Variants in ATM observed in about 807,000 individuals in gnomAD.
The protein encoded by ATM is serine-protein kinase ATM.
A neutral mutation model predicts 387.0 loss-of-function variants in ATM; 308 were observed. The observed-to-expected ratio is 0.80, with a 90% confidence interval of 0.73 to 0.87. ATM has a LOEUF of 0.87. ATM is among the 40% of genes least tolerant of loss of function. The pLI, the probability that ATM is intolerant of heterozygous loss-of-function variation, is 0.00. For synonymous variants in ATM, 1,156 were observed against 1,187.3 expected (o/e 0.97, Z 0.54); for missense variants, 3,312 against 3,560.9 (o/e 0.93, Z 1.78).
rs2135554706 is a variant in ATM at position 108,271,390 on chromosome 11, G to C, written c.3061G>C (p.Val1021Leu). 6.2e-7 allele frequency: 1 copy of C among 1,614,096 alleles called. No individual in the cohort carries two copies. Among genetic ancestry groups the C allele is most frequent in the Non-Finnish European group, 8.5e-7 (1 of 1,179,996 alleles). Reference sequence around the variant, plus strand: ...GGATGCTCAAGGACAGTTTCTTACAGTAATTGGAGCATTTTGGTAGGTACA... The same window carrying C: ...GGATGCTCAAGGACAGTTTCTTACACTAATTGGAGCATTTTGGTAGGTACA... The part of the protein sequence containing the change: ...TRDAQGQFLT[V>L]IGAFWHLTKE... Residue 1021 changes from valine to leucine, a missense_variant, in exon 20 of 63, where the codon GTA becomes CTA. Val to Leu is a conservative substitution (Grantham distance 32). Transcript: ENST00000675843.
At chr11:108,264,508 G>T (rs1184469315) in intron 16 of ATM, among the ~76,000 whole-genome samples, 1 of 152,042 alleles carries the variant, frequency 6.6e-6, no homozygotes, top group Non-Finnish European at 1.5e-5. Flanking sequence ...ATCTATGACA[G>T]TCCCACAGCC....
At chr11:108,294,813 G>C in intron 31 of ATM, 114 bp from the exon 32 acceptor site, 1 of 1,087,080 alleles carries the variant, frequency 9.2e-7, no homozygotes, top group Admixed American at 1.8e-5. Flanking sequence ...AGTAGTAATA[G>C]AGACATGAGT....
chr11:108,274,647 A>T (rs937590860), intron 22 of ATM, among the ~76,000 whole-genome samples: 1 of 152,222 alleles, frequency 6.6e-6, no homozygotes. Context: ...ATTCAGGAGC[A>T]GGTTGTTCAG....
chr11:108,349,856 C>T (rs895048900), intron 59 of ATM, among the ~76,000 whole-genome samples: 4 of 152,054 alleles, frequency 2.6e-5, no homozygotes, highest in Admixed American at 1.3e-4. Context: ...TCATAAAGTA[C>T]GTGAGTCTGA....
chr11:108,269,855 C>T (rs766986463), intron 18 of ATM, among the ~76,000 whole-genome samples: 4 of 152,106 alleles, frequency 2.6e-5, no homozygotes, highest in Non-Finnish European at 5.9e-5. Flanking sequence ...TTGGTTGTGC[C>T]CTGTTTGGGC....
rs2135264272 is a variant in ATM, at chr11:108,246,949, T to C, written c.902-15T>C. 6.3e-7 allele frequency: 1 copy of C among 1,594,122 alleles called. No homozygotes were observed. Among genetic ancestry groups the C allele is most frequent in the East Asian group, 2.2e-5 (1 of 44,680 alleles). The stretch of plus-strand genomic sequence containing the variant: ...TACATACATAAAAATTACATTTTAA[T>C]TTTTTGGATTACAGGTGCTTATGAA... On this transcript the variant is annotated splice_polypyrimidine_tract_variant and intron_variant, in intron 7 of 62. Transcript: ENST00000675843.
intron 16 of ATM, among the ~76,000 whole-genome samples, chr11:108,265,325 G>T (rs1264896707): frequency 6.6e-6 from 1 of 151,976 alleles, no homozygotes. Flanking sequence ...CAGAAATAAC[G>T]CTGCATATCT....
intron 20 of ATM, 105 bp downstream of exon 20, chr11:108,271,511 C>G (rs915245600): frequency 4.4e-5 from 57 of 1,287,374 alleles, no homozygotes; most frequent in Non-Finnish European, 6.3e-5. Context: ...TCCTACATAG[C>G]TAATACATCT....
intron 5 of ATM, among the ~76,000 whole-genome samples, chr11:108,236,767 G>A (rs2079298959): frequency 6.6e-6 from 1 of 152,114 alleles, no homozygotes; most frequent in South Asian, 2.1e-4. Context: ...GAGGAATCTG[G>A]TGTTGTTTCC....
intron 4 of ATM, among the ~76,000 whole-genome samples, chr11:108,233,340 C>T (rs1005018274): frequency 6.6e-6 from 1 of 152,060 alleles, no homozygotes; most frequent in East Asian, 1.9e-4. Flanking sequence ...GAGGCCAAGG[C>T]AGGCAGATTG....
intron 61 of ATM, among the ~76,000 whole-genome samples, chr11:108,356,451 G>A (rs1037347976): frequency 2.0e-5 from 3 of 150,800 alleles, no homozygotes; most frequent in Non-Finnish European, 2.9e-5. Flanking sequence ...CAGGAGAATC[G>A]CTTGAACCCA....
intron 30 of ATM, 82 bp downstream of exon 30, chr11:108,292,875 T>G: frequency 6.8e-7 from 1 of 1,470,084 alleles, no homozygotes; most frequent in Non-Finnish European, 9.4e-7. Context: ...TATGTTTATT[T>G]GGTATAATTG....
At chr11:108,229,936 C>A in intron 4 of ATM, 1 of 152,590 alleles carries the variant, frequency 6.6e-6, no homozygotes, top group South Asian at 2.0e-4. Context: ...TCCCCCTGCT[C>A]AGCCTCCCTA....
Position 108,325,455 on chromosome 11 carries a change from G to C in ATM, c.6718G>C (p.Asp2240His), listed in dbSNP as rs587782478. 6.2e-7 allele frequency: 1 copy of C among 1,613,688 alleles called. No homozygotes were observed. The highest frequency in any genetic ancestry group is 1.3e-5 in the African/African-American group (1 of 74,968). The change falls in exon 46 of 63, where the codon GAC becomes CAC. Residue 2240 changes from aspartate (D) to histidine (H), a missense_variant. By Grantham distance (81) the Asp-to-His change is moderately conservative. Transcript: ENST00000675843. ...ILEILMEKEM[D>H]NSQRECIKDI... The stretch of plus-strand genomic sequence containing the variant: ...GGAGATCCTGATGGAAAAGGAAATG[G>C]ACAACTCACAAAGAGAATGTATTAA...
rs2086536406 is a variant in ATM at position 108,333,832 on chromosome 11, C to T, written c.7928-54C>T. On this transcript the variant is annotated intron_variant, in intron 53 of 62. Transcript: ENST00000675843. ...GTATCTGCTGACTATTCCTGCTTGA[C>T]CTTCAATGCTGTTCCTCAGTTTGTC... 4 of 1,369,066 alleles carry T rather than the reference C, an allele frequency of 2.9e-6. No individual in the cohort carries two copies. In the South Asian group the frequency reaches 4.6e-5, roughly 16 times the overall value. The allele number at this position is 1,369,066 out of a possible 1,614,324, so 84.8% of individuals were successfully genotyped here.
At chr11:108,326,291 A>C in intron 47 of ATM, 66 bp downstream of exon 47, 1 of 1,558,408 alleles carries the variant, frequency 6.4e-7, no homozygotes, top group Non-Finnish European at 8.7e-7. Flanking sequence ...ATGTACTTTA[A>C]AATATTTTTA....
chr11:108,261,733 G>GA lies in ATM; in HGVS notation c.2466+2665dup, dbSNP rs551919195. 4.3e-3 allele frequency among the ~76,000 whole-genome samples: 652 copies of GA among 151,980 alleles called. 5 individuals are homozygous for GA. Among genetic ancestry groups the GA allele is most frequent in the East Asian group, 0.011 (55 of 5,160 alleles). On this transcript the variant is annotated intron_variant, in intron 16 of 62. Coordinates refer to ENST00000675843, the MANE Select transcript of ATM (RefSeq NM_000051.4). ...CAAGGGCAAAGAAGTTGAAAACTTT[G>GA]AAAAAAATTTAGAAGAATGTATAAC...
intron 59 of ATM, among the ~76,000 whole-genome samples, chr11:108,348,911 G>T (rs966013376): frequency 2.6e-5 from 4 of 152,198 alleles, no homozygotes; most frequent in African/African-American, 9.6e-5. Context: ...AGCTGGTTTG[G>T]TTACTAACCA....
intron 56 of ATM, chr11:108,340,022 T>C (rs531104335): frequency 2.6e-5 from 4 of 152,348 alleles, no homozygotes; most frequent in South Asian, 2.1e-4. Context: ...TAGTAAAACA[T>C]TGCCCTAGTC....
Sources: allele counts gnomAD v4.1 joint callset (sites outside exome capture counted in the v4.1 genomes callset), GRCh38; gene constraint gnomAD v4.1.1; transcripts MANE v1.5; gene names NCBI Gene and HGNC (gene_info 2026-07-23, HGNC 2026-07-21).